IGF1R: variants seen among roughly 807,000 people sequenced by gnomAD.
IGF1R encodes insulin-like growth factor 1 receptor.
A neutral mutation model predicts 144.6 loss-of-function variants in IGF1R; 44 were observed. That is an observed-to-expected ratio of 0.30 (90% CI 0.24 to 0.39). The LOEUF (loss-of-function observed/expected upper bound fraction) is 0.39, where lower values mean the gene tolerates loss of function less well. IGF1R is among the 10% of genes least tolerant of loss of function. The probability of loss-of-function intolerance (pLI) is 1.00; values close to 1 mark genes in which losing one functional copy is unlikely to be tolerated. For missense variants in IGF1R, 1,355 were observed against 1,833.7 expected (o/e 0.74, Z 4.77); for synonymous variants, 795 against 722.8 (o/e 1.10, Z -1.60).
At chr15:98,717,017 C>T (rs1245783594) in intron 2 of IGF1R, among the ~76,000 whole-genome samples, 6 of 152,162 alleles carry the variant, frequency 3.9e-5, no homozygotes, top group Admixed American at 6.6e-5. Flanking sequence ...GCTCCACATG[C>T]GGATGTACAG....
intron 5 of IGF1R, among the ~76,000 whole-genome samples, chr15:98,900,356 T>C (rs1036452987): frequency 2.0e-5 from 3 of 152,230 alleles, no homozygotes; most frequent in Admixed American, 2.0e-4. Context: ...AAGTGAATGC[T>C]TCAAAATAAA....
chr15:98,960,121 AG>A lies in IGF1R; in HGVS notation c.*2680del, dbSNP rs1328976557. 4.3e-6 allele frequency: 1 copy of A among 233,526 alleles called. No individual in the cohort carries two copies. Among genetic ancestry groups the A allele is most frequent in the Admixed American group, 5.6e-5 (1 of 17,778 alleles). The allele number at this position is 233,526 out of a possible 1,614,324, so 14.5% of individuals were successfully genotyped here. On this transcript the variant is annotated 3_prime_UTR_variant, in exon 21 of 21. Transcript: ENST00000650285. Reference sequence around the variant, plus strand: ...CAAAAGAATACATCTCACCTTTCTCAGCACCTGACAATAGGCCGTTGATACT... The same window carrying A: ...CAAAAGAATACATCTCACCTTTCTCACACCTGACAATAGGCCGTTGATACT...
chr15:98,798,878 G>A (rs772648540), intron 2 of IGF1R, among the ~76,000 whole-genome samples: 5 of 152,144 alleles, frequency 3.3e-5, no homozygotes, highest in African/African-American at 4.8e-5. Context: ...AGCACTTACT[G>A]TGTACCAGCT....
chr15:98,865,550 A>T (rs1029333553), intron 2 of IGF1R, among the ~76,000 whole-genome samples: 1 of 152,194 alleles, frequency 6.6e-6, no homozygotes, highest in African/African-American at 2.4e-5. Context: ...CATGTGCTAA[A>T]GTGGATAGAA....
intron 1 of IGF1R, among the ~76,000 whole-genome samples, chr15:98,698,213 A>G (rs1009818325): frequency 6.3e-5 from 9 of 142,366 alleles, no homozygotes; most frequent in Non-Finnish European, 3.0e-5. Flanking sequence ...TAATTTTTGT[A>G]TTTTTAGTGG....
intron 2 of IGF1R, among the ~76,000 whole-genome samples, chr15:98,735,159 C>A (rs1475994283): frequency 6.6e-6 from 1 of 152,060 alleles, no homozygotes; most frequent in Non-Finnish European, 1.5e-5. Context: ...GGAGAGGTGA[C>A]CACCCCTCGT....
At chr15:98,896,733 G>A (rs1567183723) in intron 3 of IGF1R, 24 bp from the exon 4 acceptor site, 5 of 1,607,990 alleles carry the variant, frequency 3.1e-6, no homozygotes, top group Admixed American at 1.7e-5. Context: ...GTGTGTTTTT[G>A]ATTTTTTTTT....
intron 8 of IGF1R, 80 bp from the exon 9 acceptor site, chr15:98,915,884 T>G (rs545799367): frequency 7.5e-7 from 1 of 1,325,166 alleles, no homozygotes; most frequent in African/African-American, 1.4e-5. Context: ...GGCAGTTTCC[T>G]GTTGGCTTGC....
chr15:98,736,289 A>AG, intron 2 of IGF1R, among the ~76,000 whole-genome samples: 1 of 152,252 alleles, frequency 6.6e-6, no homozygotes, highest in Admixed American at 6.5e-5. Flanking sequence ...AAGAAAGGTT[A>AG]ATATTATCAA....
At position 98,891,660 on chromosome 15, in the gene IGF1R, GTCAC is replaced by G; in HGVS notation, c.953+25_953+28del. The G allele has an allele frequency of 6.3e-7, 1 of 1,594,830 alleles. No homozygotes were observed. The highest frequency in any genetic ancestry group is 8.5e-7 in the Non-Finnish European group (1 of 1,176,824). On this transcript the variant is annotated intron_variant, in intron 3 of 20. Coordinates refer to ENST00000650285, the MANE Select transcript of IGF1R (RefSeq NM_000875.5). The surrounding 1 kb of genome is among the most constrained non-coding windows in gnomAD (Gnocchi z 4.7). ...GAGGTCAGTCGCGGCCACACGTGTG[GTCAC>G]TACCCGCCCCACCTCACCCGCCACC...
chr15:98,856,204 A>G (rs745535341), intron 2 of IGF1R, among the ~76,000 whole-genome samples: 5 of 152,234 alleles, frequency 3.3e-5, no homozygotes, highest in Non-Finnish European at 7.3e-5. Context: ...GGCTGCAAAG[A>G]TCCAGAGCCA....
intron 1 of IGF1R, among the ~76,000 whole-genome samples, chr15:98,690,038 A>G (rs2053437354): frequency 6.6e-6 from 1 of 152,196 alleles, no homozygotes; most frequent in Admixed American, 6.5e-5. Context: ...TTTCATGATG[A>G]TAATGACCTA....
rs1307590168 is a variant in IGF1R at position 98,749,890 on chromosome 15, T to C, written c.640+41783T>C. Among the ~76,000 whole-genome samples the C allele has an allele frequency of 9.0e-5, 3 of 33,514 alleles. No individual in the cohort carries two copies. In the East Asian group the frequency reaches 3.4e-3, roughly 38 times the overall value. 22.0% of individuals were successfully genotyped at this position (33,514 alleles called of 152,430 possible). A position where few individuals can be genotyped will look rare whatever the true frequency, so the allele number is the denominator to read the frequency against. The stretch of plus-strand genomic sequence containing the variant: ...AGACTTTTAAAATATTTTTAGGCTT[T>C]TTTTTTTTTTTTGGCTTAAAAAAAG... On this transcript the variant is annotated intron_variant, in intron 2 of 20. Transcript: ENST00000650285.
At chr15:98,843,445 C>T (rs2011212162) in intron 2 of IGF1R, among the ~76,000 whole-genome samples, 1 of 152,132 alleles carries the variant, frequency 6.6e-6, no homozygotes, top group African/African-American at 2.4e-5. Flanking sequence ...GTTTCTACTT[C>T]TCTTATTGGT....
chr15:98,957,815 C>A lies in IGF1R; in HGVS notation c.*373C>A. The A allele has an allele frequency of 5.9e-6, 2 of 336,294 alleles. No individual in the cohort carries two copies. The highest frequency in any genetic ancestry group is 1.1e-5 in the Non-Finnish European group (2 of 182,506). The allele number at this position is 336,294 out of a possible 1,614,324, so 20.8% of individuals were successfully genotyped here. A position where few individuals can be genotyped will look rare whatever the true frequency, so the allele number is the denominator to read the frequency against. ...TAACGGAAAAATAATTGCCACAAGT[C>A]CAGCTGGGAAGCCCTTTTTATCAGT... On this transcript the variant is annotated 3_prime_UTR_variant, in exon 21 of 21. Coordinates refer to ENST00000650285, the MANE Select transcript of IGF1R (RefSeq NM_000875.5).
chr15:98,929,518 C>A, intron 13 of IGF1R, 40 bp from the exon 14 acceptor site: 1 of 1,468,126 alleles, frequency 6.8e-7, no homozygotes. Flanking sequence ...GCAAATTGTT[C>A]ACCTGGTGAT....
intron 1 of IGF1R, among the ~76,000 whole-genome samples, chr15:98,691,367 G>GTT (rs746317149): frequency 2.1e-4 from 28 of 132,142 alleles, no homozygotes; most frequent in African/African-American, 3.7e-4. Flanking sequence ...GGTTTTTTTT[G>GTT]TTTTTTTTTT....
At chr15:98,943,156 T>C in intron 19 of IGF1R, 104 bp downstream of exon 19, 1 of 1,359,392 alleles carries the variant, frequency 7.4e-7, no homozygotes, top group Non-Finnish European at 1.0e-6. Flanking sequence ...TTGTTACCCG[T>C]TGCCAGCTTT....
intron 2 of IGF1R, among the ~76,000 whole-genome samples, chr15:98,885,832 T>TGGGGGGG (rs2013614503): frequency 1.3e-5 from 2 of 151,484 alleles, no homozygotes; most frequent in African/African-American, 4.8e-5. Context: ...TTTTTTTTTT[T>TGGGGGGG]GGAGATAGAG....
Sources: allele counts gnomAD v4.1 joint callset (sites outside exome capture counted in the v4.1 genomes callset), GRCh38; gene constraint gnomAD v4.1.1; non-coding constraint Gnocchi (gnomAD v3.1); transcripts MANE v1.5; gene names NCBI Gene and HGNC (gene_info 2026-07-23, HGNC 2026-07-21).